The following DDX49 variants were observed in gnomAD, a reference collection of about 807,000 sequenced individuals.
DDX49 encodes DEAD-box helicase 49.
DDX49 carries 50 observed loss-of-function variants against 56.3 expected under a neutral mutation model. That is an observed-to-expected ratio of 0.89 (90% CI 0.71 to 1.12). DDX49 has a LOEUF of 1.12. DDX49 is among the 50% of genes most tolerant of loss of function. The pLI is 0.00. For missense variants in DDX49, 614 were observed against 650.5 expected (o/e 0.94, Z 0.61); for synonymous variants, 269 against 270.6 (o/e 0.99, Z 0.06).
chr19:18,922,815 GAC>G, intron 6 of DDX49, 71 bp downstream of exon 6: 2 of 1,559,606 alleles, frequency 1.3e-6, no homozygotes, highest in Admixed American at 1.7e-5. Flanking sequence ...TTTGGTCTGG[GAC>G]ACACAGCCAG....
intron 9 of DDX49, among the ~76,000 whole-genome samples, chr19:18,926,063 G>A (rs1182741458): frequency 6.6e-6 from 1 of 152,176 alleles, no homozygotes; most frequent in Non-Finnish European, 1.5e-5. Flanking sequence ...AGGGAAATCG[G>A]GCAGTAACTA....
In DDX49 at chr19:18,925,102, G is replaced by A. The variant is rs1157458658; in HGVS notation, c.1027+123G>A. The A allele has an allele frequency of 3.1e-6, 4 of 1,304,108 alleles. No homozygotes were observed. In the Admixed American group the frequency reaches 1.0e-4, roughly 34 times the overall value. The allele number at this position is 1,304,108 out of a possible 1,614,324, so 80.8% of individuals were successfully genotyped here. On this transcript the variant is annotated intron_variant, in intron 9 of 12. Transcript: ENST00000247003. ...ATGAGAGCTACTCAGGGCCATGTTTGCAAGTTGGGGAGTTGTCCTTTCTAA... is the reference window on the plus strand; with the variant it reads ...ATGAGAGCTACTCAGGGCCATGTTTACAAGTTGGGGAGTTGTCCTTTCTAA...
At chr19:18,926,898 C>A (rs1601256551) in intron 10 of DDX49, among the ~76,000 whole-genome samples, 1 of 150,670 alleles carries the variant, frequency 6.6e-6, no homozygotes, top group African/African-American at 2.4e-5. Flanking sequence ...CATGGTGAAA[C>A]CCCGTCTCTA....
At chr19:18,923,035 G>A (rs2056932215) in intron 6 of DDX49, among the ~76,000 whole-genome samples, 2 of 152,184 alleles carry the variant, frequency 1.3e-5, no homozygotes, top group Admixed American at 6.5e-5. Flanking sequence ...TGGGCCTTTA[G>A]TCCCATCTCA....
Position 18,920,609 on chromosome 19 carries a change from G to A in DDX49, c.145G>A (p.Gly49Ser). 6.2e-7 allele frequency: 1 copy of A among 1,610,586 alleles called. No homozygotes were observed. Among genetic ancestry groups the A allele is most frequent in the Non-Finnish European group, 8.5e-7 (1 of 1,177,020 alleles). ...AGACTGCTTGGGCTGTGCTAAGACAGGCAGTGGGAAGACAGCAGCGTTTGT... is the reference window on the plus strand; with the variant it reads ...AGACTGCTTGGGCTGTGCTAAGACAAGCAGTGGGAAGACAGCAGCGTTTGT... ...GRDCLGCAKT[G>S]SGKTAAFVLP... Residue 49 changes from glycine (G) to serine (S), a missense_variant, in exon 2 of 13, where the codon GGC becomes AGC. Transcript: ENST00000247003.
chr19:18,923,809 CT>C (rs1214454256), intron 6 of DDX49, among the ~76,000 whole-genome samples: 1,835 of 130,134 alleles, frequency 0.014, 11 homozygotes, highest in East Asian at 0.029. Flanking sequence ...CATCCTGCCT[CT>C]TTTTTTTTTT....
chr19:18,920,274 G>C (rs1416685006), intron 1 of DDX49, among the ~76,000 whole-genome samples: 4 of 152,170 alleles, frequency 2.6e-5, no homozygotes, highest in Admixed American at 2.6e-4. Context: ...GCCCAACCCA[G>C]TTTCGCCATT....
rs1311756589 is a variant in DDX49 at position 18,919,768 on chromosome 19, G to A, written c.27G>A (p.Leu9=). The change falls in exon 1 of 13, where the codon CTG becomes CTA. Residue 9 remains leucine (L), a synonymous_variant. Coordinates refer to ENST00000247003, the MANE Select transcript of DDX49 (RefSeq NM_019070.5). The part of the protein sequence containing the change: MAGFAELG[L]SSWLVEQCRQ... ...TGGCAGGCTTCGCGGAGCTCGGGCT[G>A]TCATCGTGGCTCGTGGAACAATGTC... is the stretch of plus-strand genomic sequence containing the variant. 8 of 1,612,072 alleles carry A rather than the reference G, an allele frequency of 5.0e-6. No homozygotes were observed. Among genetic ancestry groups the A allele is most frequent in the Non-Finnish European group, 5.9e-6 (7 of 1,178,648 alleles).
chr19:18,926,014 G>A (rs529087826), intron 9 of DDX49, among the ~76,000 whole-genome samples: 1 of 152,360 alleles, frequency 6.6e-6, no homozygotes, highest in East Asian at 1.9e-4. Flanking sequence ...CTAATGGCTG[G>A]CATTACTTAG....
chr19:18,925,095 C>T (rs1416157003), intron 9 of DDX49, 116 bp downstream of exon 9: 7 of 1,332,928 alleles, frequency 5.3e-6, no homozygotes, highest in East Asian at 2.5e-5. Context: ...TACTCAGGGC[C>T]ATGTTTGCAA....
rs1263195135 is a variant in DDX49, at chr19:18,921,851, G to GC, written c.337dup (p.Gln113ProfsTer30). ...CATGCTCTGTCCCCCAGACATGGTGGCCCAGGCGCTGGAGCTCTCTCGGAA... is the reference window on the plus strand; with the variant it reads ...CATGCTCTGTCCCCCAGACATGGTGGCCCCAGGCGCTGGAGCTCTCTCGGAA... On this transcript the variant is annotated frameshift_variant, in exon 4 of 13. Coordinates refer to ENST00000247003, the MANE Select transcript of DDX49 (RefSeq NM_019070.5). LOFTEE classifies it high-confidence loss of function. 2.5e-6 allele frequency: 4 copies of GC among 1,613,862 alleles called. No homozygotes were observed. In the African/African-American group the frequency reaches 5.3e-5, roughly 22 times the overall value.
intron 9 of DDX49, among the ~76,000 whole-genome samples, chr19:18,925,694 C>A (rs2145105586): frequency 6.6e-6 from 1 of 152,292 alleles, no homozygotes; most frequent in Admixed American, 6.5e-5. Context: ...GCACACACAG[C>A]TCCGGCCCCC....
rs1328279516 is a variant in DDX49 at position 18,928,119 on chromosome 19, C to T, written c.1264-9C>T. ...CAGCTCAGCCATCCCCTGGTCCTCC[C>T]TGTGCCAGGACCCTGACCTGGAGGC... On this transcript the variant is annotated splice_polypyrimidine_tract_variant and intron_variant, in intron 12 of 12. Transcript: ENST00000247003. The T allele has an allele frequency of 1.2e-6, 2 of 1,610,898 alleles. No individual in the cohort carries two copies. Among genetic ancestry groups the T allele is most frequent in the Non-Finnish European group, 1.7e-6 (2 of 1,178,688 alleles).
Position 18,927,764 on chromosome 19 carries a change from AGAG to A in DDX49, c.1103-1_1104del. ...CCACCCCCGGCTTTGCTGTCCCCACAGAGAAGAAGCTGGAGGAGTTCTCCGTGG... is the reference window on the plus strand; with the variant it reads ...CCACCCCCGGCTTTGCTGTCCCCACAAAGAAGCTGGAGGAGTTCTCCGTGG... On this transcript the variant is annotated splice_acceptor_variant and coding_sequence_variant, in exon 11 of 13. Transcript: ENST00000247003. LOFTEE classifies it high-confidence loss of function. 6.2e-7 allele frequency: 1 copy of A among 1,607,012 alleles called. No homozygotes were observed. The highest frequency in any genetic ancestry group is 8.5e-7 in the Non-Finnish European group (1 of 1,174,164).
At chr19:18,925,293 C>T (rs918400278) in intron 9 of DDX49, 14 of 261,340 alleles carry the variant, frequency 5.4e-5, no homozygotes, top group Non-Finnish European at 8.2e-5. Context: ...CGGTGGCTCA[C>T]GCCTGTAATC....
At chr19:18,925,099 T>C in intron 9 of DDX49, 120 bp downstream of exon 9, 1 of 1,310,516 alleles carries the variant, frequency 7.6e-7, no homozygotes, top group Non-Finnish European at 1.0e-6. Context: ...CAGGGCCATG[T>C]TTGCAAGTTG....
intron 9 of DDX49, 56 bp downstream of exon 9, chr19:18,925,035 G>A: frequency 3.2e-6 from 5 of 1,577,398 alleles, no homozygotes; most frequent in Admixed American, 3.6e-5. Context: ...AGCCTGCCCA[G>A]CAAATTCAGG....
intron 9 of DDX49, chr19:18,925,271 A>C: frequency 1.7e-4 from 57 of 343,384 alleles, no homozygotes; most frequent in East Asian, 3.2e-4. Context: ...ATAAAATAAA[A>C]TAGGCCAGGT....
Position 18,921,694 on chromosome 19 carries a change from C to A in DDX49, c.271C>A (p.Arg91=), listed in dbSNP as rs752777811. ...GGCCTACCAGATCGCAGAGCAGTTC[C>A]GGGTCCTGGGGAAGCCTCTAGGGCT... ...ELAYQIAEQF[R]VLGKPLGLKD... The change falls in exon 3 of 13, where the codon CGG becomes AGG. Residue 91 remains arginine, a synonymous_variant. Transcript: ENST00000247003. 3 of 1,614,096 alleles carry A rather than the reference C, an allele frequency of 1.9e-6. No homozygotes were observed. The highest frequency in any genetic ancestry group is 2.5e-6 in the Non-Finnish European group (3 of 1,180,006).
Sources: gnomAD v4.1 joint callset for allele counts (sites outside exome capture counted in the v4.1 genomes callset) on GRCh38, gnomAD v4.1.1 for gene constraint, MANE v1.5 for transcripts, NCBI Gene and HGNC (gene_info 2026-07-23, HGNC 2026-07-21) for gene names.